Variants in GABRB2 observed in about 807,000 individuals in gnomAD.
GABRB2 encodes gamma-aminobutyric acid receptor subunit beta-2.
A neutral mutation model predicts 54.7 loss-of-function variants in GABRB2; 16 were observed. The observed-to-expected ratio is 0.29, with a 90% confidence interval of 0.20 to 0.44. The LOEUF (loss-of-function observed/expected upper bound fraction) is 0.44, where lower values mean the gene tolerates loss of function less well. Ranked by LOEUF, GABRB2 falls within the 20% of genes least tolerant of loss-of-function variation. The pLI is 1.00. For missense variants in GABRB2, 355 were observed against 644.0 expected (o/e 0.55, Z 4.86); for synonymous variants, 244 against 233.8 (o/e 1.04, Z -0.40).
At chr5:161,518,156 G>T (rs1419777815) in intron 3 of GABRB2, among the ~76,000 whole-genome samples, 1 of 152,098 alleles carries the variant, frequency 6.6e-6, no homozygotes, top group Non-Finnish European at 1.5e-5. Context: ...TTGAAGAAAA[G>T]AATTTTAGCC....
At chr5:161,483,244 T>C (rs951171835) in intron 3 of GABRB2, among the ~76,000 whole-genome samples, 3 of 152,010 alleles carry the variant, frequency 2.0e-5, no homozygotes, top group South Asian at 2.1e-4. Context: ...ATAATTGACG[T>C]CTCTGTGTTA....
chr5:161,363,870 G>T (rs1475033812), intron 5 of GABRB2, among the ~76,000 whole-genome samples: 2 of 152,174 alleles, frequency 1.3e-5, no homozygotes, highest in Admixed American at 1.3e-4. Flanking sequence ...TAGAATCACT[G>T]TAGTTGTAAT....
At chr5:161,319,531 T>G (rs1465256101) in intron 9 of GABRB2, among the ~76,000 whole-genome samples, 1 of 151,098 alleles carries the variant, frequency 6.6e-6, no homozygotes, top group Non-Finnish European at 1.5e-5. Context: ...GTAGTTTGCT[T>G]TCTGTATTTT....
intron 3 of GABRB2, among the ~76,000 whole-genome samples, chr5:161,481,333 T>C: frequency 6.6e-6 from 1 of 152,090 alleles, no homozygotes. Context: ...GTGATCACTA[T>C]TGTCATTTTC....
chr5:161,296,568 T>G (rs1757386541), intron 9 of GABRB2, among the ~76,000 whole-genome samples: 1 of 152,230 alleles, frequency 6.6e-6, no homozygotes. Flanking sequence ...GTAATTTATT[T>G]AATCTTAGTG....
At chr5:161,452,493 T>C (rs779988702) in intron 4 of GABRB2, among the ~76,000 whole-genome samples, 2 of 152,196 alleles carry the variant, frequency 1.3e-5, no homozygotes, top group Non-Finnish European at 2.9e-5. Context: ...GAATTATACC[T>C]ATGTGACCTT....
At chr5:161,349,077 A>C (rs1433892249) in intron 5 of GABRB2, among the ~76,000 whole-genome samples, 2 of 152,124 alleles carry the variant, frequency 1.3e-5, no homozygotes, top group Non-Finnish European at 2.9e-5. Flanking sequence ...CCGGCCAAGA[A>C]GTTACCATTT....
At chr5:161,302,421 G>A (rs1438687609) in intron 9 of GABRB2, among the ~76,000 whole-genome samples, 1 of 152,080 alleles carries the variant, frequency 6.6e-6, no homozygotes, top group Non-Finnish European at 1.5e-5. Flanking sequence ...TTTCTTCATG[G>A]TAGGAATATA....
At chr5:161,475,483 T>C (rs1758565691) in intron 3 of GABRB2, among the ~76,000 whole-genome samples, 1 of 151,856 alleles carries the variant, frequency 6.6e-6, no homozygotes, top group Non-Finnish European at 1.5e-5. Flanking sequence ...TGGCCAGCAT[T>C]ACACTAATCC....
intron 3 of GABRB2, among the ~76,000 whole-genome samples, chr5:161,491,764 T>C (rs1384765570): frequency 6.6e-6 from 1 of 151,722 alleles, no homozygotes; most frequent in Admixed American, 6.6e-5. Flanking sequence ...CTGGAGATTA[T>C]GTCTTAGAGC....
chr5:161,322,080 GCTAT>G (rs1400819697), intron 9 of GABRB2, among the ~76,000 whole-genome samples: 2 of 152,024 alleles, frequency 1.3e-5, no homozygotes, highest in Admixed American at 6.6e-5. Flanking sequence ...CCACTGCTTA[GCTAT>G]CTAACATTAA....
intron 3 of GABRB2, among the ~76,000 whole-genome samples, chr5:161,508,741 G>T (rs1046780183): frequency 1.3e-5 from 2 of 151,978 alleles, no homozygotes; most frequent in Non-Finnish European, 2.9e-5. Flanking sequence ...GAGGATGAAT[G>T]CATAGCATTT....
rs183046221 is a variant in GABRB2 at position 161,503,507 on chromosome 5, G to A, written c.237+41720C>T. Among the ~76,000 whole-genome samples, 219 of 152,122 alleles carry A rather than the reference G, an allele frequency of 1.4e-3. 1 individual carries two copies. Among genetic ancestry groups the A allele is most frequent in the African/African-American group, 5.1e-3 (210 of 41,510 alleles). Reference sequence around the variant, plus strand: ...GCAGATCACCTGAGGTTGGGAGTTTGAGAACAGCCTGACCAACTTGGAGAA... The same window carrying A: ...GCAGATCACCTGAGGTTGGGAGTTTAAGAACAGCCTGACCAACTTGGAGAA... On this transcript the variant is annotated intron_variant, in intron 3 of 9. Transcript: ENST00000393959.
intron 5 of GABRB2, among the ~76,000 whole-genome samples, chr5:161,366,480 G>A (rs1026568196): frequency 6.6e-6 from 1 of 152,050 alleles, no homozygotes; most frequent in East Asian, 1.9e-4. Context: ...AATCAGCAGA[G>A]ATCTAATTTA....
intron 5 of GABRB2, among the ~76,000 whole-genome samples, chr5:161,357,437 G>A (rs972691815): frequency 6.6e-6 from 1 of 151,464 alleles, no homozygotes; most frequent in African/African-American, 2.4e-5. Context: ...TGCAGGGTTG[G>A]CAGTCACATA....
intron 3 of GABRB2, among the ~76,000 whole-genome samples, chr5:161,489,812 C>T (rs1759046985): frequency 6.6e-6 from 1 of 151,730 alleles, no homozygotes. Flanking sequence ...AGCCTAATAG[C>T]TTTAGGCTTA....
chr5:161,319,126 T>G (rs1269731594), intron 9 of GABRB2, among the ~76,000 whole-genome samples: 3 of 125,380 alleles, frequency 2.4e-5, no homozygotes, highest in African/African-American at 1.1e-4. Context: ...TTATTAGCTG[T>G]TTTTTTTTTT....
At chr5:161,319,791 G>A (rs1319694593) in intron 9 of GABRB2, among the ~76,000 whole-genome samples, 1 of 151,642 alleles carries the variant, frequency 6.6e-6, no homozygotes, top group Non-Finnish European at 1.5e-5. Context: ...GAAATCTTAT[G>A]GGCTAGATGC....
intron 3 of GABRB2, among the ~76,000 whole-genome samples, chr5:161,492,129 T>C (rs1338789509): frequency 6.6e-6 from 1 of 151,700 alleles, no homozygotes; most frequent in Non-Finnish European, 1.5e-5. Context: ...GCCTTTACTG[T>C]AAGATCTCAG....
Sources: gnomAD v4.1 joint callset for allele counts (sites outside exome capture counted in the v4.1 genomes callset) on GRCh38, gnomAD v4.1.1 for gene constraint, MANE v1.5 for transcripts, NCBI Gene and HGNC (gene_info 2026-07-23, HGNC 2026-07-21) for gene names.